COL20A1: variants seen among roughly 807,000 people sequenced by gnomAD.
COL20A1 encodes the protein collagen alpha-1(XX) chain.
In COL20A1, 164 loss-of-function variants were observed where a neutral mutation model predicts 152.9. The observed-to-expected ratio is 1.07, with a 90% CI of 0.94 to 1.22. The LOEUF (loss-of-function observed/expected upper bound fraction) is 1.22, where lower values mean the gene tolerates loss of function less well. Among genes scored for constraint, COL20A1 ranks in the 50% most tolerant of loss-of-function variants. COL20A1 has a pLI of 0.00. For synonymous variants in COL20A1, 864 were observed against 756.0 expected (o/e 1.14, Z -2.34); for missense variants, 1,873 against 1,744.8 (o/e 1.07, Z -1.31).
rs1021119664 is a variant in COL20A1, at chr20:63,329,736, G to A, written c.*3+75G>A. 2.8e-4 allele frequency: 293 copies of A among 1,049,774 alleles called. 1 individual carries two copies. The highest frequency in any genetic ancestry group is 2.0e-4 in the Admixed American group (8 of 39,716). 65.0% of individuals were successfully genotyped at this position (1,049,774 alleles called of 1,614,324 possible). On this transcript the variant is annotated intron_variant, in intron 35 of 35. Coordinates refer to ENST00000358894, the MANE Select transcript of COL20A1 (RefSeq NM_020882.4). ...AAGGAGGAGCTCCTGAGGGGCCAACGGGTGGGGCCTCATGCTGTCCAGGGT... is the reference window on the plus strand; with the variant it reads ...AAGGAGGAGCTCCTGAGGGGCCAACAGGTGGGGCCTCATGCTGTCCAGGGT...
intron 3 of COL20A1, among the ~76,000 whole-genome samples, chr20:63,301,241 GGAGGTGGAGGTTGCAGT>G (rs1199540420): frequency 6.6e-6 from 1 of 152,196 alleles, no homozygotes; most frequent in African/African-American, 2.4e-5. Flanking sequence ...CTTGAACCTG[GGAGGTGGAGGTTGCAGT>G]GAGCCGAGAT....
chr20:63,326,082 T>G lies in COL20A1; in HGVS notation c.3403-14T>G, dbSNP rs371255818. 2.2e-4 allele frequency: 353 copies of G among 1,612,200 alleles called. No homozygotes were observed. Among genetic ancestry groups the G allele is most frequent in the Non-Finnish European group, 2.8e-4 (329 of 1,179,354 alleles). ...TACAAACCCCACCCAGCTTGCGCCT[T>G]CCTTTGCCATCAGGGAATGAGAGGC... On this transcript the variant is annotated splice_polypyrimidine_tract_variant and intron_variant, in intron 29 of 35. Transcript: ENST00000358894.
At chr20:63,312,751 T>C in intron 15 of COL20A1, 41 bp from the exon 16 acceptor site, 1 of 1,507,798 alleles carries the variant, frequency 6.6e-7, no homozygotes, top group East Asian at 2.5e-5. Context: ...GTGCCCAGGC[T>C]CAGGGGCTAC....
At position 63,319,250 on chromosome 20, in the gene COL20A1, G is replaced by A. The variant is rs1387123795; in HGVS notation, c.2806+50G>A. On this transcript the variant is annotated intron_variant, in intron 22 of 35. Coordinates refer to ENST00000358894, the MANE Select transcript of COL20A1 (RefSeq NM_020882.4). The surrounding 1 kb of genome is among the most constrained non-coding windows in gnomAD (Gnocchi z 4.4). ...CAGCAGTCAGGAGGAGTAGGGGCAGGGAGGCCCCAGAGCCCTGGGAGGCCT... is the reference window on the plus strand; with the variant it reads ...CAGCAGTCAGGAGGAGTAGGGGCAGAGAGGCCCCAGAGCCCTGGGAGGCCT... 5.7e-6 allele frequency: 9 copies of A among 1,576,490 alleles called. No homozygotes were observed. Among genetic ancestry groups the A allele is most frequent in the Middle Eastern group, 1.7e-4 (1 of 5,940 alleles).
At position 63,305,471 on chromosome 20, in the gene COL20A1, G is replaced by A. The variant is rs1263657618; in HGVS notation, c.248G>A (p.Gly83Glu). ...LTTKTPKATV[G>E]GLSPSKGYTL... ...ACCAAGACCCCTAAGGCCACAGTGG[G>A]GGGCCTGAGCCCCTCCAAGGGCTAC... Residue 83 changes from glycine (G) to glutamate (E), a missense_variant, in exon 4 of 36, where the codon GGG (glycine) becomes GAG (glutamate). Coordinates refer to ENST00000358894, the MANE Select transcript of COL20A1 (RefSeq NM_020882.4). This position sits in a 1 kb window ranked among gnomAD's most constrained non-coding sequence, Gnocchi z 4.9. 6.2e-7 allele frequency: 1 copy of A among 1,603,120 alleles called. No individual in the cohort carries two copies. Among genetic ancestry groups the A allele is most frequent in the Middle Eastern group, 1.7e-4 (1 of 6,010 alleles).
chr20:63,319,067 C>A lies in COL20A1; in HGVS notation c.2673C>A (p.Tyr891Ter). 3 of 1,600,890 alleles carry A rather than the reference C, an allele frequency of 1.9e-6. No homozygotes were observed. The highest frequency in any genetic ancestry group is 2.6e-6 in the Non-Finnish European group (3 of 1,169,334). Residue 891 changes from tyrosine to a stop codon, truncating the protein, a stop_gained, in exon 22 of 36, where the codon TAC becomes TAA. Transcript: ENST00000358894. LOFTEE classifies it high-confidence loss of function. This position sits in a 1 kb window ranked among gnomAD's most constrained non-coding sequence, Gnocchi z 4.4. ...CCCCCAACCCCCACAGTGACGTCTA[C>A]CCAGCCCCCCTACCTCCAGAGCACA... Reference protein sequence around the residue: ...AQLTRRVSDVYPAPLPPEHTI... With the variant: ...AQLTRRVSDV
chr20:63,319,098 G>A lies in COL20A1; in HGVS notation c.2704G>A (p.Val902Ile), dbSNP rs755921135. Residue 902 changes from valine (V) to isoleucine (I), a missense_variant, in exon 22 of 36, where the codon GTC (valine) becomes ATC (isoleucine). Physicochemically the swap from Val to Ile is conservative, Grantham distance 29 (BLOSUM62 3). Coordinates refer to ENST00000358894, the MANE Select transcript of COL20A1 (RefSeq NM_020882.4). The surrounding 1 kb of genome is among the most constrained non-coding windows in gnomAD (Gnocchi z 4.4). ...CCCCCTACCTCCAGAGCACACCATC[G>A]TCTTCCTTGTGCGCCTACTTCCCGA... ...PAPLPPEHTI[V>I]FLVRLLPETP... The A allele has an allele frequency of 1.3e-5, 21 of 1,610,680 alleles. No individual in the cohort carries two copies. Among genetic ancestry groups the A allele is most frequent in the South Asian group, 1.2e-4 (11 of 90,966 alleles).
In COL20A1 at chr20:63,313,082, G is replaced by C. The variant is rs758456163; in HGVS notation, c.2077-35G>C. 6.3e-6 allele frequency: 10 copies of C among 1,589,372 alleles called. No individual in the cohort carries two copies. Among genetic ancestry groups the C allele is most frequent in the Non-Finnish European group, 8.6e-6 (10 of 1,168,548 alleles). ...GGCCCCCCAACCTGAGGACCCCACTGCACCCGGTGACCCCTGGGGCTCTCC... is the reference window on the plus strand; with the variant it reads ...GGCCCCCCAACCTGAGGACCCCACTCCACCCGGTGACCCCTGGGGCTCTCC... On this transcript the variant is annotated intron_variant, in intron 16 of 35. Transcript: ENST00000358894. The surrounding 1 kb of genome is among the most constrained non-coding windows in gnomAD (Gnocchi z 5.9).
At chr20:63,323,017 G>A (rs1357510459) in intron 27 of COL20A1, among the ~76,000 whole-genome samples, 1 of 152,328 alleles carries the variant, frequency 6.6e-6, no homozygotes, top group Middle Eastern at 3.4e-3. Flanking sequence ...ACACTGGCCC[G>A]GCAGAGCCGT....
At chr20:63,315,322 G>C in intron 19 of COL20A1, 82 bp from the exon 20 acceptor site, 3 of 1,335,278 alleles carry the variant, frequency 2.2e-6, no homozygotes, top group Non-Finnish European at 3.1e-6. Flanking sequence ...CATCGTCCAT[G>C]AAGTGGCCCC....
rs1466026512 is a variant in COL20A1, at chr20:63,313,631, T to C, written c.2210-112T>C. On this transcript the variant is annotated intron_variant, in intron 17 of 35. Coordinates refer to ENST00000358894, the MANE Select transcript of COL20A1 (RefSeq NM_020882.4). This position sits in a 1 kb window ranked among gnomAD's most constrained non-coding sequence, Gnocchi z 5.9. ...GCTGTGGTAGGGGTGTGGCATGATG[T>C]GGTGGAGGCATTACGCAGAGCAGGG... The C allele has an allele frequency of 2.0e-6, 2 of 1,023,088 alleles. No homozygotes were observed. The highest frequency in any genetic ancestry group is 2.8e-6 in the Non-Finnish European group (2 of 720,840). 63.4% of individuals were successfully genotyped at this position (1,023,088 alleles called of 1,614,324 possible).
In COL20A1 at chr20:63,313,804, G is replaced by A; in HGVS notation, c.2271G>A (p.Leu757=). ...LALASETPDS[L]QVSWTPPLGR... ...TGGCCTCGGAGACCCCCGACAGCCT[G>A]CAGGTCAGCTGGACGCCCCCGCTTG... The change falls in exon 18 of 36, where the codon CTG becomes CTA. Residue 757 remains leucine (L), a synonymous_variant. Transcript: ENST00000358894. The surrounding 1 kb of genome is among the most constrained non-coding windows in gnomAD (Gnocchi z 5.9). 1 of 1,611,008 alleles carries A rather than the reference G, an allele frequency of 6.2e-7. No homozygotes were observed.
chr20:63,327,477 T>G, intron 31 of COL20A1: 2 of 182,426 alleles, frequency 1.1e-5, no homozygotes, highest in Non-Finnish European at 2.3e-5. Context: ...GAGATGGGGG[T>G]GTAGTGTCCC....
At chr20:63,325,646 C>T (rs772068242) in intron 28 of COL20A1, 22 bp from the exon 29 acceptor site, 12 of 1,599,044 alleles carry the variant, frequency 7.5e-6, no homozygotes, top group Admixed American at 6.9e-5. Context: ...CCTGCCTGGC[C>T]GGCCCCTCTG....
Position 63,310,361 on chromosome 20 carries a change from C to T in COL20A1, c.1264-20C>T. On this transcript the variant is annotated intron_variant, in intron 10 of 35. Coordinates refer to ENST00000358894, the MANE Select transcript of COL20A1 (RefSeq NM_020882.4). The stretch of plus-strand genomic sequence containing the variant: ...CCGGCACCCCCCTTCCTGGCTCCGT[C>T]CTTGCCCACTCTGTTCCAGGTGGTG... 1 of 1,610,300 alleles carries T rather than the reference C, an allele frequency of 6.2e-7. No homozygotes were observed.
intron 1 of COL20A1, among the ~76,000 whole-genome samples, chr20:63,293,561 G>A (rs1363432854): frequency 1.3e-5 from 2 of 152,284 alleles, no homozygotes; most frequent in East Asian, 1.9e-4. Context: ...ATCGAGCAGA[G>A]AGCGGCTTGC....
chr20:63,307,386 C>T, intron 5 of COL20A1, 104 bp from the exon 6 acceptor site: 2 of 1,142,958 alleles, frequency 1.7e-6, no homozygotes, highest in South Asian at 1.5e-5. Context: ...AAACCTGGCC[C>T]AGCCTGCCTC....
chr20:63,312,064 A>G lies in COL20A1; in HGVS notation c.1803+9A>G. The G allele has an allele frequency of 6.4e-7, 1 of 1,551,638 alleles. No homozygotes were observed. Among genetic ancestry groups the G allele is most frequent in the Non-Finnish European group, 8.7e-7 (1 of 1,148,296 alleles). On this transcript the variant is annotated intron_variant, in intron 14 of 35. Coordinates refer to ENST00000358894, the MANE Select transcript of COL20A1 (RefSeq NM_020882.4). ...GTGGACACTCGGGGCAGGTGAGAGC[A>G]GAGCCCTCCGGGGGCCCGAGTGTCT... is the stretch of plus-strand genomic sequence containing the variant.
intron 27 of COL20A1, among the ~76,000 whole-genome samples, chr20:63,322,379 A>T (rs1227060484): frequency 6.6e-6 from 1 of 152,058 alleles, no homozygotes. Context: ...GGGAGGATGA[A>T]CCCCATGGCC....
Sources: allele counts gnomAD v4.1 joint callset (sites outside exome capture counted in the v4.1 genomes callset), GRCh38; gene constraint gnomAD v4.1.1; non-coding constraint Gnocchi (gnomAD v3.1); transcripts MANE v1.5; gene names NCBI Gene and HGNC (gene_info 2026-07-23, HGNC 2026-07-21).